Variants in MED23 observed in about 807,000 individuals in gnomAD.
MED23 encodes the protein mediator complex subunit 23, also known as mediator of RNA polymerase II transcription subunit 23.
In MED23, 105 loss-of-function variants were observed where a neutral mutation model predicts 163.9. That is an observed-to-expected ratio of 0.64 (90% confidence interval 0.55 to 0.75). MED23 has a LOEUF of 0.75. Among genes scored for constraint, MED23 ranks in the 30% least tolerant of loss-of-function variants. The pLI is 0.00. For missense variants in MED23, 1,054 were observed against 1,649.0 expected (o/e 0.64, Z 6.25); for synonymous variants, 561 against 565.6 (o/e 0.99, Z 0.12).
chr6:131,606,275 T>C (rs531325016), intron 13 of MED23, among the ~76,000 whole-genome samples: 2 of 152,152 alleles, frequency 1.3e-5, no homozygotes, highest in African/African-American at 4.8e-5. Context: ...TCTATACATA[T>C]AAGCAAGACT....
At chr6:131,626,122 CAAAAAAAAA>C (rs138561737) in intron 3 of MED23, among the ~76,000 whole-genome samples, 2 of 59,690 alleles carry the variant, frequency 3.4e-5, no homozygotes, top group African/African-American at 9.8e-5. Context: ...ACTCTGTCTC[CAAAAAAAAA>C]AAAAAAAAAG....
intron 11 of MED23, 22 bp from the exon 12 acceptor site, chr6:131,608,093 A>G (rs754559462): frequency 5.0e-6 from 8 of 1,612,458 alleles, no homozygotes; most frequent in Middle Eastern, 3.3e-4. Flanking sequence ...GTTTAAATAC[A>G]CATGTATACA....
At chr6:131,616,823 G>A (rs1441526774) in intron 9 of MED23, among the ~76,000 whole-genome samples, 1 of 152,042 alleles carries the variant, frequency 6.6e-6, no homozygotes, top group Non-Finnish European at 1.5e-5. Flanking sequence ...CCTGACTTAA[G>A]AAACAAACAA....
chr6:131,593,655 T>A (rs1401006950), intron 23 of MED23, among the ~76,000 whole-genome samples: 1 of 152,004 alleles, frequency 6.6e-6, no homozygotes, highest in African/African-American at 2.4e-5. Context: ...GAAATAAACA[T>A]CCAAGTATAT....
chr6:131,607,799 A>T, intron 12 of MED23, 129 bp downstream of exon 12: 1 of 1,030,360 alleles, frequency 9.7e-7, no homozygotes, highest in Non-Finnish European at 1.5e-6. Flanking sequence ...AGAGCTTGCT[A>T]CACTTAACAT....
intron 21 of MED23, 25 bp from the exon 22 acceptor site, chr6:131,596,188 T>C (rs1271362509): frequency 1.3e-6 from 2 of 1,597,172 alleles, no homozygotes; most frequent in Non-Finnish European, 1.7e-6. Context: ...AGATGATAAA[T>C]GGTTAGAGCA....
At chr6:131,612,557 T>G (rs1026386790) in intron 10 of MED23, among the ~76,000 whole-genome samples, 3 of 152,128 alleles carry the variant, frequency 2.0e-5, no homozygotes, top group Non-Finnish European at 4.4e-5. Context: ...TGTGAAAGCT[T>G]TGGTGAATTT....
chr6:131,598,763 TAAA>T lies in MED23; in HGVS notation c.2221-5_2221-3del, dbSNP rs1775255768. 1 of 1,612,732 alleles carries T rather than the reference TAAA, an allele frequency of 6.2e-7. No individual in the cohort carries two copies. Among genetic ancestry groups the T allele is most frequent in the Non-Finnish European group, 8.5e-7 (1 of 1,178,884 alleles). ...CACATTATTTTGTTTGAAGAATGCC[TAAA>T]AAGAGGATTAGAAGTTTATTTCATT... is the stretch of plus-strand genomic sequence containing the variant. On this transcript the variant is annotated splice_region_variant and splice_polypyrimidine_tract_variant and intron_variant, in intron 18 of 28. Transcript: ENST00000368068. This position sits in a 1 kb window ranked among gnomAD's most constrained non-coding sequence, Gnocchi z 4.7.
chr6:131,583,698 G>A, downstream of MED23: 4 of 1,595,496 alleles, frequency 2.5e-6, no homozygotes, highest in Non-Finnish European at 3.4e-6. Flanking sequence ...CTTTCAAAAT[G>A]TCAACTATTT....
chr6:131,596,740 C>A, intron 20 of MED23, 52 bp from the exon 21 acceptor site: 4 of 1,516,262 alleles, frequency 2.6e-6, no homozygotes, highest in Middle Eastern at 1.7e-4. Flanking sequence ...TGTGTAAAAT[C>A]ATGAGGGCCA....
intron 9 of MED23, 150 bp from the exon 10 acceptor site, chr6:131,616,152 T>C: frequency 1.4e-6 from 1 of 690,238 alleles, no homozygotes. Context: ...AGGATTTTAG[T>C]GCTTACAGTT....
At chr6:131,601,902 C>A (rs2114651555) in intron 17 of MED23, among the ~76,000 whole-genome samples, 1 of 151,768 alleles carries the variant, frequency 6.6e-6, no homozygotes, top group South Asian at 2.1e-4. Context: ...TAGATATAAT[C>A]CATATAAACA....
Position 131,586,842 on chromosome 6 carries a change from A to C in MED23, c.*837T>G, listed in dbSNP as rs1400260798. On this transcript the variant is annotated 3_prime_UTR_variant, in exon 29 of 29. Coordinates refer to ENST00000368068, the MANE Select transcript of MED23 (RefSeq NM_004830.4). ...TAACAATGTCTCTCAAAATCCAAGA[A>C]ATAAAATGTGTACTGTATTTACAAA... The C allele has an allele frequency of 1.3e-6, 2 of 1,508,734 alleles. No homozygotes were observed. Among genetic ancestry groups the C allele is most frequent in the Admixed American group, 4.0e-5 (2 of 50,536 alleles). The allele number at this position is 1,508,734 out of a possible 1,614,324, so 93.5% of individuals were successfully genotyped here.
At chr6:131,606,052 G>A (rs1444878855) in intron 13 of MED23, among the ~76,000 whole-genome samples, 1 of 152,150 alleles carries the variant, frequency 6.6e-6, no homozygotes, top group Non-Finnish European at 1.5e-5. Flanking sequence ...CTTTGGAAGA[G>A]ATATTAAGGG....
intron 10 of MED23, 26 bp from the exon 11 acceptor site, chr6:131,610,272 A>G (rs1198723995): frequency 6.2e-7 from 1 of 1,609,676 alleles, no homozygotes; most frequent in Admixed American, 1.7e-5. Flanking sequence ...TAAATACAGT[A>G]TTCCAAAAGC....
chr6:131,627,686 A>AAAAG lies in MED23; in HGVS notation c.40-15_40-14insCTTT. 3 of 1,602,744 alleles carry AAAAG rather than the reference A, an allele frequency of 1.9e-6. No homozygotes were observed. Among genetic ancestry groups the AAAAG allele is most frequent in the Non-Finnish European group, 2.6e-6 (3 of 1,175,962 alleles). ...AACTTCCGTTTTCTGTAAAAAAAAAAAAAACAAAATGTAAACAATGTTAAT... is the reference window on the plus strand; with the variant it reads ...AACTTCCGTTTTCTGTAAAAAAAAAAAAAGAAAACAAAATGTAAACAATGTTAAT... On this transcript the variant is annotated splice_polypyrimidine_tract_variant and intron_variant, in intron 1 of 28. Transcript: ENST00000368068.
intron 30 of MED23, among the ~76,000 whole-genome samples, chr6:131,577,482 T>G (rs1290029204): frequency 1.3e-5 from 2 of 152,152 alleles, no homozygotes; most frequent in Non-Finnish European, 2.9e-5. Flanking sequence ...AGATTTGTGC[T>G]TGAATGTTTG....
intron 30 of MED23, among the ~76,000 whole-genome samples, chr6:131,580,254 A>T (rs532523411): frequency 1.3e-5 from 2 of 152,292 alleles, no homozygotes; most frequent in South Asian, 4.1e-4. Context: ...TCTGTATCAA[A>T]ACTGCAATTG....
At chr6:131,585,007 A>G (rs1774128711), downstream of MED23, among the ~76,000 whole-genome samples, 1 of 152,014 alleles carries the variant, frequency 6.6e-6, no homozygotes, top group African/African-American at 2.4e-5. Context: ...AAAAAAAAAA[A>G]AAAACCAACC....
Sources: allele counts gnomAD v4.1 joint callset (sites outside exome capture counted in the v4.1 genomes callset), GRCh38; gene constraint gnomAD v4.1.1; non-coding constraint Gnocchi (gnomAD v3.1); transcripts MANE v1.5; gene names NCBI Gene and HGNC (gene_info 2026-07-23, HGNC 2026-07-21).